NEB: variants seen among roughly 807,000 people sequenced by gnomAD.
NEB encodes the protein nemaline myopathy type 2.
NEB carries 512 observed loss-of-function variants against 952.2 expected under a neutral mutation model. The ratio of observed to expected loss-of-function variants is 0.54; its 90% CI spans 0.50 to 0.58. NEB has a LOEUF of 0.58. Ranked by LOEUF, NEB falls within the 20% of genes least tolerant of loss-of-function variation. NEB has a pLI of 0.00. For synonymous variants in NEB, 2,900 were observed against 3,149.8 expected (o/e 0.92, Z 2.66); for missense variants, 8,428 against 9,231.1 (o/e 0.91, Z 3.56).
intron 65 of NEB, among the ~76,000 whole-genome samples, chr2:151,631,807 A>C (rs549129112): frequency 6.6e-6 from 1 of 152,254 alleles, no homozygotes; most frequent in Non-Finnish European, 1.5e-5. Flanking sequence ...GAAATTTTAA[A>C]GTAGCACATA....
rs554120506 is a variant in NEB, at chr2:151,493,629, G to GGTTGGTTTGTT, written c.24672+135_24672+145dup. ...AAGTAAAATCACTGTGACCTCGTGG[G>GGTTGGTTTGTT]GTTGGTTTGTTGTTTTTAAGTGGAC... On this transcript the variant is annotated intron_variant, in intron 175 of 181. Coordinates refer to ENST00000397345, the MANE Select transcript of NEB (RefSeq NM_001164508.2). The GGTTGGTTTGTT allele has an allele frequency of 5.1e-5, 38 of 751,172 alleles. No individual in the cohort carries two copies. The East Asian group carries it at 1.0e-3, about 20-fold the overall frequency. The allele number at this position is 751,172 out of a possible 1,614,324, so 46.5% of individuals were successfully genotyped here. A position where few individuals can be genotyped will look rare whatever the true frequency, so the allele number is the denominator to read the frequency against.
At chr2:151,684,277 T>C (rs2099467334) in intron 28 of NEB, among the ~76,000 whole-genome samples, 1 of 152,224 alleles carries the variant, frequency 6.6e-6, no homozygotes, top group Non-Finnish European at 1.5e-5. Flanking sequence ...TTGTGTGGTT[T>C]GGACAAATGA....
At chr2:151,698,814 A>G (rs1363340786) in intron 13 of NEB, among the ~76,000 whole-genome samples, 1 of 148,240 alleles carries the variant, frequency 6.7e-6, no homozygotes. Context: ...ATTTTTTTGT[A>G]TTTTTAGTAG....
intron 161 of NEB, among the ~76,000 whole-genome samples, chr2:151,508,706 C>T (rs2071360415): frequency 6.6e-6 from 1 of 152,200 alleles, no homozygotes; most frequent in African/African-American, 2.4e-5. Context: ...ACTGGCAGCT[C>T]TACCAAACAG....
intron 164 of NEB, chr2:151,505,806 C>CT (rs1365667501): frequency 5.3e-6 from 3 of 561,080 alleles, no homozygotes; most frequent in Admixed American, 3.1e-5. Flanking sequence ...ATGGGGGCCC[C>CT]TATTTAGACT....
Position 151,656,239 on chromosome 2 carries a change from A to AGTT in NEB, c.6406_6408dup (p.Asn2136dup). ...ATGTACTTGTGAATCAGGTGCTTGT[A>AGTT]GTTAGTGTTGGTGATGTTGGCTTGG... On this transcript the variant is annotated inframe_insertion, in exon 49 of 182. Transcript: ENST00000397345. 1 of 1,613,436 alleles carries AGTT rather than the reference A, an allele frequency of 6.2e-7. No individual in the cohort carries two copies. Among genetic ancestry groups the AGTT allele is most frequent in the Non-Finnish European group, 8.5e-7 (1 of 1,179,612 alleles).
intron 164 of NEB, chr2:151,505,894 T>C: frequency 1.8e-6 from 1 of 546,272 alleles, no homozygotes; most frequent in Non-Finnish European, 3.3e-6. Context: ...GACATACATA[T>C]ATCCAGGAAG....
intron 46 of NEB, among the ~76,000 whole-genome samples, chr2:151,660,182 C>A (rs945377519): frequency 2.0e-5 from 3 of 152,200 alleles, no homozygotes; most frequent in African/African-American, 7.2e-5. Flanking sequence ...GACAGAGACA[C>A]TTGAGAGCCC....
intron 161 of NEB, 35 bp from the exon 162 acceptor site, chr2:151,508,144 C>T (rs2070814158): frequency 6.8e-7 from 1 of 1,465,656 alleles, no homozygotes; most frequent in East Asian, 2.3e-5. Context: ...GGAGGGTAAA[C>T]ACCACAGGGA....
chr2:151,666,452 A>G (rs2099218052), intron 40 of NEB, 51 bp from the exon 41 acceptor site: 4 of 1,532,980 alleles, frequency 2.6e-6, no homozygotes, highest in Non-Finnish European at 2.7e-6. Context: ...GAAGTCTGAT[A>G]TAAACTGAAT....
Position 151,706,905 on chromosome 2 carries a change from CT to C in NEB, c.1127del (p.Lys376ArgfsTer7). ...ASENPQLRQLKAAGDALSDKL... is the reference protein window; with the variant it reads ...ASENPQLRQLXAAGDALSDKL... ...CGTCACTTAGGGCATCTCCTGCTGCCTTCAGCTGCCTAAGCTGTGGGTTCTC... is the reference window on the plus strand; with the variant it reads ...CGTCACTTAGGGCATCTCCTGCTGCCTCAGCTGCCTAAGCTGTGGGTTCTC... On this transcript the variant is annotated frameshift_variant, in exon 13 of 182. Transcript: ENST00000397345. LOFTEE classifies it high-confidence loss of function. The C allele has an allele frequency of 1.2e-6, 2 of 1,605,408 alleles. No individual in the cohort carries two copies. The highest frequency in any genetic ancestry group is 1.7e-5 in the Admixed American group (1 of 58,990).
At chr2:151,609,122 A>C (rs1279723297) in intron 81 of NEB, among the ~76,000 whole-genome samples, 1 of 151,060 alleles carries the variant, frequency 6.6e-6, no homozygotes, top group Non-Finnish European at 1.5e-5. Flanking sequence ...CATTTAAAAA[A>C]ATTTTTTTAA....
At chr2:151,698,794 T>C (rs1213455496) in intron 13 of NEB, among the ~76,000 whole-genome samples, 2 of 151,896 alleles carry the variant, frequency 1.3e-5, no homozygotes, top group African/African-American at 2.4e-5. Flanking sequence ...CCTGCCACCA[T>C]GCCCGGCTAA....
intron 124 of NEB, among the ~76,000 whole-genome samples, chr2:151,558,452 A>G (rs1179853138): frequency 6.6e-6 from 1 of 152,200 alleles, no homozygotes; most frequent in Non-Finnish European, 1.5e-5. Context: ...AAGGTAATCT[A>G]TAGATTCAAT....
chr2:151,639,873 G>A lies in NEB; in HGVS notation c.8873C>T (p.Ala2958Val), dbSNP rs768058972. ...AAGTCTCACCTTGTTCATAGTGATG[G>A]CATTATTTTTGGCCAACACTTGTTC... The part of the protein sequence containing the change: ...SLEQVLAKNN[A>V]ITMNKRLYTE... The change falls in exon 62 of 182, where the codon GCC becomes GTC. Residue 2958 changes from alanine to valine, a missense_variant. This residue lies in a region of NEB where 1,772 missense variants were observed against 1,960.3 expected (regional missense o/e 0.90). Transcript: ENST00000397345. 3.3e-5 allele frequency: 53 copies of A among 1,613,014 alleles called. No homozygotes were observed. Among genetic ancestry groups the A allele is most frequent in the Non-Finnish European group, 4.1e-5 (48 of 1,179,464 alleles).
intron 7 of NEB, 120 bp from the exon 8 acceptor site, chr2:151,724,484 G>T: frequency 1.4e-6 from 1 of 728,380 alleles, no homozygotes; most frequent in Non-Finnish European, 2.5e-6. Context: ...GGGTTACTAG[G>T]AAAACATTGA....
intron 24 of NEB, chr2:151,689,203 T>C (rs1410915836): frequency 7.5e-6 from 1 of 133,134 alleles, no homozygotes; most frequent in Non-Finnish European, 1.6e-5. Context: ...TACTCTTTTT[T>C]TTTTTTTTTT....
chr2:151,486,648 A>G (rs1015375777), intron 181 of NEB: 2 of 152,234 alleles, frequency 1.3e-5, no homozygotes, highest in African/African-American at 4.8e-5. Context: ...GTATATCCAT[A>G]CAGATCTATT....
At chr2:151,530,958 A>C in intron 145 of NEB, 36 bp downstream of exon 145, 1 of 1,407,698 alleles carries the variant, frequency 7.1e-7, no homozygotes, top group Non-Finnish European at 1.0e-6. Flanking sequence ...AAGGAGGCCA[A>C]GATGAGAGGG....
Sources: gnomAD v4.1 joint callset for allele counts (sites outside exome capture counted in the v4.1 genomes callset) on GRCh38, gnomAD v4.1.1 for gene constraint, gnomAD v4.1.1 regional missense constraint, MANE v1.5 for transcripts, NCBI Gene and HGNC (gene_info 2026-07-23, HGNC 2026-07-21) for gene names.